The following RNF130 variants were observed in gnomAD, a reference collection of about 807,000 sequenced individuals.
RNF130 encodes E3 ubiquitin-protein ligase RNF130.
Under a neutral mutation model 44.6 loss-of-function variants are expected in RNF130, and 21 were observed. That is an observed-to-expected ratio of 0.47 (90% CI 0.33 to 0.68). The LOEUF is 0.68. Among genes scored for constraint, RNF130 ranks in the 30% least tolerant of loss-of-function variants. The pLI is 0.02. For missense variants in RNF130, 479 were observed against 560.6 expected, an observed-to-expected ratio of 0.85 and a Z score of 1.47; for synonymous variants, 214 against 210.4, an observed-to-expected ratio of 1.02 and a Z score of -0.15.
intron 5 of RNF130, among the ~76,000 whole-genome samples, chr5:179,973,333 T>C (rs1762629596): frequency 6.6e-6 from 1 of 152,132 alleles, no homozygotes; most frequent in African/African-American, 2.4e-5. Context: ...GGCACCTTTT[T>C]CTCCTCATCA....
intron 7 of RNF130, among the ~76,000 whole-genome samples, chr5:179,922,567 C>T (rs763840931): frequency 2.0e-5 from 3 of 151,826 alleles, no homozygotes; most frequent in African/African-American, 4.8e-5. Context: ...CATCAGCCTC[C>T]CAAAGTGCTG....
downstream of RNF130, among the ~76,000 whole-genome samples, chr5:179,952,321 T>C (rs1392725887): frequency 1.3e-5 from 2 of 152,104 alleles, no homozygotes; most frequent in African/African-American, 4.8e-5. Context: ...CTGTCTCAAC[T>C]ATAAATAAAA....
chr5:179,942,319 C>A (rs1485990507), intron 7 of RNF130, among the ~76,000 whole-genome samples: 1 of 151,742 alleles, frequency 6.6e-6, no homozygotes, highest in Non-Finnish European at 1.5e-5. Context: ...CAGTTGAGGA[C>A]TGATTCAATA....
intron 2 of RNF130, among the ~76,000 whole-genome samples, chr5:180,026,053 C>T (rs892753886): frequency 4.0e-5 from 6 of 150,848 alleles, no homozygotes; most frequent in Middle Eastern, 3.2e-3. Flanking sequence ...GAGCTAAATA[C>T]GTTTTTAAGA....
intron 1 of RNF130, among the ~76,000 whole-genome samples, chr5:180,051,478 C>T (rs1764687493): frequency 6.6e-6 from 1 of 152,054 alleles, no homozygotes; most frequent in Admixed American, 6.5e-5. Context: ...ACCTTGTGAT[C>T]TGCTTGCCTG....
chr5:179,993,641 G>T (rs1443396313), intron 3 of RNF130, among the ~76,000 whole-genome samples: 1 of 152,124 alleles, frequency 6.6e-6, no homozygotes, highest in East Asian at 1.9e-4. Flanking sequence ...TGTCAGATGG[G>T]TAGATTGCAA....
exon 8 of RNF130, chr5:179,920,101 G>C: frequency 2.1e-6 from 1 of 478,312 alleles, no homozygotes; most frequent in Non-Finnish European, 3.8e-6. Context: ...AGCTTGGGCG[G>C]GTTTTCAATA....
chr5:180,069,169 T>C (rs182822765), intron 1 of RNF130, among the ~76,000 whole-genome samples: 402 of 152,314 alleles, frequency 2.6e-3, no homozygotes, highest in African/African-American at 8.5e-3. Context: ...TATAAACCCA[T>C]AGGTTTAGAA....
At chr5:180,028,150 A>G (rs1336423631) in intron 2 of RNF130, among the ~76,000 whole-genome samples, 2 of 152,106 alleles carry the variant, frequency 1.3e-5, no homozygotes, top group Non-Finnish European at 2.9e-5. Flanking sequence ...TTGGCCTAGA[A>G]TACTCTTCTC....
chr5:179,965,651 G>A (rs574213962), intron 7 of RNF130, among the ~76,000 whole-genome samples: 1 of 152,018 alleles, frequency 6.6e-6, no homozygotes, highest in Non-Finnish European at 1.5e-5. Context: ...AAACCTCAAC[G>A]CCAAAGTAAG....
At chr5:180,040,841 G>C (rs977609956) in intron 1 of RNF130, among the ~76,000 whole-genome samples, 194 bp from the exon 2 acceptor site, 12 of 152,188 alleles carry the variant, frequency 7.9e-5, no homozygotes, top group African/African-American at 2.9e-4. Flanking sequence ...TGCTCCATGG[G>C]ACGGTTACCT....
chr5:179,997,821 T>G lies in RNF130; in HGVS notation c.693+15240A>C, dbSNP rs73348275. On this transcript the variant is annotated intron_variant, in intron 3 of 8. Coordinates refer to ENST00000521389, the MANE Select transcript of RNF130 (RefSeq NM_018434.6). ...TTGAACTTCATTATTTTTTTTTGCT[T>G]CTTCTGACTTTGGGTTTGCTTTGTT... 8.7e-3 allele frequency among the ~76,000 whole-genome samples: 1,317 copies of G among 152,044 alleles called. 25 individuals are homozygous for G. Among genetic ancestry groups the G allele is most frequent in the African/African-American group, 0.03 (1,231 of 41,476 alleles).
intron 8 of RNF130, among the ~76,000 whole-genome samples, chr5:179,956,992 T>G (rs1165394191): frequency 1.3e-5 from 2 of 152,272 alleles, no homozygotes; most frequent in African/African-American, 2.4e-5. Context: ...TGTACCTTAT[T>G]ATTTCTTGTA....
chr5:180,049,378 C>T (rs1371157527), intron 1 of RNF130, among the ~76,000 whole-genome samples: 1 of 152,182 alleles, frequency 6.6e-6, no homozygotes, highest in Non-Finnish European at 1.5e-5. Flanking sequence ...GGGAAATCAT[C>T]TTTATTTCTG....
rs544061427 is a variant in RNF130, at chr5:179,920,435, G to A, written c.1151-9C>T. The A allele has an allele frequency of 8.5e-6, 6 of 702,220 alleles. No homozygotes were observed. The South Asian group carries it at 8.9e-5, about 10-fold the overall frequency. The allele number at this position is 702,220 out of a possible 1,614,324, so 43.5% of individuals were successfully genotyped here. A position where few individuals can be genotyped will look rare whatever the true frequency, so the allele number is the denominator to read the frequency against. ...ATGAAAGAAGTGACCACCTGGAAAAGGAAGAAGAGAAAGAGACTTAATAGG... is the reference window on the plus strand; with the variant it reads ...ATGAAAGAAGTGACCACCTGGAAAAAGAAGAAGAGAAAGAGACTTAATAGG... On this transcript the variant is annotated splice_polypyrimidine_tract_variant and intron_variant, in intron 7 of 7. Coordinates refer to the RNF130 transcript ENST00000522208.
intron 7 of RNF130, among the ~76,000 whole-genome samples, chr5:179,943,803 C>T (rs1477205987): frequency 6.6e-6 from 1 of 152,102 alleles, no homozygotes; most frequent in Non-Finnish European, 1.5e-5. Context: ...ATTAAAATTC[C>T]TGAGTTGCAA....
At chr5:179,974,745 T>C (rs547683942) in intron 5 of RNF130, among the ~76,000 whole-genome samples, 1 of 151,850 alleles carries the variant, frequency 6.6e-6, no homozygotes, top group African/African-American at 2.4e-5. Flanking sequence ...GAAATGCGAG[T>C]GTCACGAGAT....
chr5:180,006,102 A>G (rs891706167), intron 3 of RNF130, among the ~76,000 whole-genome samples: 5 of 152,214 alleles, frequency 3.3e-5, no homozygotes, highest in Admixed American at 6.5e-5. Flanking sequence ...TGGTAAGATA[A>G]TAACTTCTCA....
intron 5 of RNF130, among the ~76,000 whole-genome samples, chr5:179,973,784 G>A (rs1469976314): frequency 1.3e-5 from 2 of 152,180 alleles, no homozygotes; most frequent in Non-Finnish European, 2.9e-5. Context: ...TAAAAAACAG[G>A]CCCGCCACAC....
Sources: gnomAD v4.1 joint callset for allele counts (sites outside exome capture counted in the v4.1 genomes callset) on GRCh38, gnomAD v4.1.1 for gene constraint, MANE v1.5 for transcripts, NCBI Gene and HGNC (gene_info 2026-07-23, HGNC 2026-07-21) for gene names.